Variants in KIAA0319L observed in about 807,000 individuals in gnomAD.
KIAA0319L encodes KIAA0319 like, also known as dyslexia-associated protein KIAA0319-like protein.
Under a neutral mutation model 120.1 loss-of-function variants are expected in KIAA0319L, and 55 were observed. The ratio of observed to expected loss-of-function variants is 0.46; its 90% confidence interval spans 0.37 to 0.57. KIAA0319L has a LOEUF of 0.57. KIAA0319L is among the 20% of genes least tolerant of loss of function. The pLI is 0.00. For synonymous variants in KIAA0319L, 398 were observed against 471.9 expected (o/e 0.84, Z 2.03); for missense variants, 1,049 against 1,255.3 (o/e 0.84, Z 2.48).
rs1007824347 is a variant in KIAA0319L, at chr1:35,523,330, C to A, written c.143-16195G>T. On this transcript the variant is annotated intron_variant, in intron 2 of 20. Coordinates refer to ENST00000325722, the MANE Select transcript of KIAA0319L (RefSeq NM_024874.5). ...GTTTGGTTTTCCATCTTCTTTTATTCTTTTACCCCTGCATCTCTAATTCTA... is the reference window on the plus strand; with the variant it reads ...GTTTGGTTTTCCATCTTCTTTTATTATTTTACCCCTGCATCTCTAATTCTA... 2.6e-5 allele frequency among the ~76,000 whole-genome samples: 4 copies of A among 152,178 alleles called. No homozygotes were observed. The East Asian group carries it at 7.7e-4, about 29-fold the overall frequency.
intron 4 of KIAA0319L, 141 bp from the exon 5 acceptor site, chr1:35,475,047 G>A: frequency 1.8e-6 from 1 of 562,958 alleles, no homozygotes; most frequent in Non-Finnish European, 3.1e-6. Context: ...CTCTCTAATT[G>A]CTTGAAATTT....
chr1:35,482,970 G>T (rs1400227674), intron 3 of KIAA0319L, among the ~76,000 whole-genome samples: 1 of 152,184 alleles, frequency 6.6e-6, no homozygotes, highest in East Asian at 1.9e-4. Context: ...TCTCACTGTG[G>T]TTGTAATTTA....
chr1:35,454,253 C>T (rs772082636), intron 11 of KIAA0319L, 109 bp downstream of exon 11: 26 of 1,101,880 alleles, frequency 2.4e-5, no homozygotes, highest in South Asian at 2.9e-5. Context: ...CTCTATGGAT[C>T]GGTGCCTTCT....
chr1:35,458,242 T>C (rs1358321534), intron 9 of KIAA0319L, among the ~76,000 whole-genome samples: 1 of 152,162 alleles, frequency 6.6e-6, no homozygotes, highest in African/African-American at 2.4e-5. Flanking sequence ...AGCCTGTTTT[T>C]TGTTTTTAAC....
intron 3 of KIAA0319L, among the ~76,000 whole-genome samples, chr1:35,498,562 C>T (rs923469556): frequency 3.3e-5 from 5 of 152,058 alleles, no homozygotes; most frequent in Non-Finnish European, 7.4e-5. Context: ...TCTCTTCTTC[C>T]TTCTCCCTTC....
chr1:35,554,680 G>T, intron 1 of KIAA0319L, 161 bp from the exon 2 acceptor site: 1 of 453,114 alleles, frequency 2.2e-6, no homozygotes, highest in Non-Finnish European at 3.9e-6. Flanking sequence ...TGGGCTTTGA[G>T]GTAGCCTATA....
Position 35,451,625 on chromosome 1 carries a change from T to C in KIAA0319L, c.2062+3A>G, listed in dbSNP as rs1570644288. The C allele has an allele frequency of 6.2e-7, 1 of 1,613,666 alleles. No individual in the cohort carries two copies. Among genetic ancestry groups the C allele is most frequent in the Non-Finnish European group, 8.5e-7 (1 of 1,179,656 alleles). ...GCTACACAAACTGGAGGCAGAGAGG[T>C]ACCTTCTTTGACAATGACATTCACA... On this transcript the variant is annotated splice_donor_region_variant and intron_variant, in intron 13 of 20. Coordinates refer to ENST00000325722, the MANE Select transcript of KIAA0319L (RefSeq NM_024874.5).
chr1:35,486,751 A>G (rs1644402636), intron 3 of KIAA0319L, among the ~76,000 whole-genome samples: 1 of 151,402 alleles, frequency 6.6e-6, no homozygotes, highest in Non-Finnish European at 1.5e-5. Flanking sequence ...AAAAAAAAAA[A>G]AAAATTATAA....
chr1:35,548,319 C>T (rs1183313689), intron 2 of KIAA0319L, among the ~76,000 whole-genome samples: 2 of 152,012 alleles, frequency 1.3e-5, no homozygotes, highest in East Asian at 3.8e-4. Flanking sequence ...TGACCTCCCT[C>T]CCTTTTCCAT....
At chr1:35,553,353 T>TA (rs771119609) in intron 2 of KIAA0319L, among the ~76,000 whole-genome samples, 12,986 of 136,782 alleles carry the variant, frequency 0.095, 1,092 homozygotes, top group African/African-American at 0.22. Flanking sequence ...TCATCTGGGG[T>TA]AAAAAAAAAA....
chr1:35,502,856 T>C (rs1645058935), intron 3 of KIAA0319L, among the ~76,000 whole-genome samples: 1 of 152,186 alleles, frequency 6.6e-6, no homozygotes, highest in African/African-American at 2.4e-5. Flanking sequence ...CCATACCTCA[T>C]TTTCCTTCTG....
chr1:35,503,741 T>G (rs1570860953), intron 3 of KIAA0319L, among the ~76,000 whole-genome samples: 1 of 152,244 alleles, frequency 6.6e-6, no homozygotes, highest in African/African-American at 2.4e-5. Flanking sequence ...CATTTATATG[T>G]GAATTTTCTC....
chr1:35,525,523 CT>C (rs1470014792), intron 2 of KIAA0319L, among the ~76,000 whole-genome samples: 6 of 152,020 alleles, frequency 3.9e-5, no homozygotes, highest in Non-Finnish European at 7.4e-5. Context: ...TCTTTTTTGC[CT>C]TTTTGATAAC....
At chr1:35,494,911 A>G (rs1644742606) in intron 3 of KIAA0319L, among the ~76,000 whole-genome samples, 1 of 152,194 alleles carries the variant, frequency 6.6e-6, no homozygotes, top group South Asian at 2.1e-4. Flanking sequence ...ACCTATAAAC[A>G]TACGCTTAAC....
At chr1:35,474,441 A>G (rs750935369) in intron 5 of KIAA0319L, among the ~76,000 whole-genome samples, 4 of 152,232 alleles carry the variant, frequency 2.6e-5, no homozygotes, top group Non-Finnish European at 4.4e-5. Flanking sequence ...AATATAGAAC[A>G]TATTTATTAG....
At chr1:35,474,696 TG>T in intron 5 of KIAA0319L, 108 bp downstream of exon 5, 1 of 636,272 alleles carries the variant, frequency 1.6e-6, no homozygotes, top group Non-Finnish European at 2.8e-6. Flanking sequence ...AAGACTAAGG[TG>T]GGAGGATCTC....
intron 2 of KIAA0319L, among the ~76,000 whole-genome samples, chr1:35,523,645 C>T (rs1158699569): frequency 6.6e-6 from 1 of 152,040 alleles, no homozygotes; most frequent in African/African-American, 2.4e-5. Flanking sequence ...TCTCAAAGAG[C>T]AGAAGTTTTT....
In KIAA0319L at chr1:35,470,960, C is replaced by T; in HGVS notation, c.1016G>A (p.Gly339Glu). The T allele has an allele frequency of 6.3e-7, 1 of 1,582,678 alleles. No homozygotes were observed. The highest frequency in any genetic ancestry group is 2.2e-5 in the East Asian group (1 of 44,716). ...CTGCCAGTCGTAGGTGTAGGTTTCT[C>T]CTATAGAAGGGCAGTTACAAAAATC... is the stretch of plus-strand genomic sequence containing the variant. ...NAYVLQEPPKGETYTYDWQLI... is the reference protein window; with the variant it reads ...NAYVLQEPPKEETYTYDWQLI... The change falls in exon 6 of 21, where the codon GGA (glycine) becomes GAA (glutamate). Residue 339 changes from glycine (G) to glutamate (E), a missense_variant and splice_region_variant. Physicochemically the swap from Gly to Glu is moderately conservative, Grantham distance 98. Transcript: ENST00000325722.
intron 3 of KIAA0319L, among the ~76,000 whole-genome samples, chr1:35,504,358 G>T (rs972083019): frequency 6.6e-6 from 1 of 151,854 alleles, no homozygotes; most frequent in East Asian, 1.9e-4. Flanking sequence ...CACCACGCCC[G>T]GCTAACTTTT....
Sources: gnomAD v4.1 joint callset for allele counts (sites outside exome capture counted in the v4.1 genomes callset) on GRCh38, gnomAD v4.1.1 for gene constraint, MANE v1.5 for transcripts, NCBI Gene and HGNC (gene_info 2026-07-23, HGNC 2026-07-21) for gene names.